The following ZNF562 variants were observed in gnomAD, a reference collection of about 807,000 sequenced individuals.
ZNF562 encodes the protein zinc finger protein 562.
In ZNF562, 13 loss-of-function variants were observed where a neutral mutation model predicts 17.5. The observed-to-expected ratio is 0.74, with a 90% CI of 0.48 to 1.18. ZNF562 has a LOEUF of 1.18. Among genes scored for constraint, ZNF562 ranks in the 50% most tolerant of loss-of-function variants. ZNF562 has a pLI of 0.00. For missense variants in ZNF562, 481 were observed against 498.5 expected, an observed-to-expected ratio of 0.96 and a Z score of 0.33; for synonymous variants, 163 against 165.4, an observed-to-expected ratio of 0.99 and a Z score of 0.11.
intron 1 of ZNF562, among the ~76,000 whole-genome samples, chr19:9,665,499 C>T (rs1302837166): frequency 6.6e-6 from 1 of 152,166 alleles, no homozygotes; most frequent in Non-Finnish European, 1.5e-5. Flanking sequence ...GAGAAATACC[C>T]TGAGGACATC....
Position 9,658,136 on chromosome 19 carries a change from C to A in ZNF562, c.115-1G>T. Reference sequence around the variant, plus strand: ...CCACATCATCAAACGTCACTGAATCCTAAGTCATCAAACACATGCTGGTTT... The same window carrying A: ...CCACATCATCAAACGTCACTGAATCATAAGTCATCAAACACATGCTGGTTT... On this transcript the variant is annotated splice_acceptor_variant, in intron 3 of 5. Transcript: ENST00000453372. LOFTEE classifies it high-confidence loss of function. The A allele has an allele frequency of 6.2e-7, 1 of 1,612,240 alleles. No homozygotes were observed. The highest frequency in any genetic ancestry group is 1.3e-5 in the African/African-American group (1 of 75,014).
chr19:9,668,962 G>T (rs200700431), intron 1 of ZNF562, among the ~76,000 whole-genome samples: 1 of 150,998 alleles, frequency 6.6e-6, no homozygotes, highest in South Asian at 2.1e-4. Context: ...AAAAAAAAAA[G>T]TCAAAACAGA....
intron 2 of ZNF562, 82 bp downstream of exon 2, chr19:9,660,637 TC>T: frequency 7.0e-7 from 1 of 1,421,680 alleles, no homozygotes. Context: ...GCATGCCTGT[TC>T]AGGCCCAGCT....
At position 9,643,887 on chromosome 19, in the gene ZNF562, T is replaced by C. The variant is rs903432160; in HGVS notation, c.*9062A>G. ...CCCAGGCTGGAGTGCAGTGGTGTGATCTCGGTTCACTGTAACCTCCTGCCT... is the reference window on the plus strand; with the variant it reads ...CCCAGGCTGGAGTGCAGTGGTGTGACCTCGGTTCACTGTAACCTCCTGCCT... On this transcript the variant is annotated 3_prime_UTR_variant, in exon 6 of 6. Coordinates refer to ENST00000453372, the MANE Select transcript of ZNF562 (RefSeq NM_001130031.2). 1.9e-4 allele frequency: 29 copies of C among 151,804 alleles called. No homozygotes were observed. Among genetic ancestry groups the C allele is most frequent in the African/African-American group, 6.8e-4 (28 of 41,292 alleles). 9.4% of individuals were successfully genotyped at this position (151,804 alleles called of 1,614,324 possible).
At chr19:9,657,562 T>C (rs1422195334) in intron 4 of ZNF562, among the ~76,000 whole-genome samples, 1 of 151,656 alleles carries the variant, frequency 6.6e-6, no homozygotes. Context: ...TTTTTTTTTT[T>C]TTTGAGTCAA....
At position 9,646,031 on chromosome 19, in the gene ZNF562, C is replaced by A. The variant is rs2074803928; in HGVS notation, c.*6918G>T. On this transcript the variant is annotated 3_prime_UTR_variant, in exon 6 of 6. Coordinates refer to ENST00000453372, the MANE Select transcript of ZNF562 (RefSeq NM_001130031.2). ...TAAATGTCAGGCACTAAATGTGCAA[C>A]ATAAAAGGATTGTTAATTGGTATTA... is the stretch of plus-strand genomic sequence containing the variant. The A allele has an allele frequency of 6.7e-6, 1 of 148,416 alleles. No individual in the cohort carries two copies. The allele number at this position is 148,416 out of a possible 1,614,324, so 9.2% of individuals were successfully genotyped here.
At position 9,649,430 on chromosome 19, in the gene ZNF562, G is replaced by A. The variant is rs183798957; in HGVS notation, c.*3519C>T. On this transcript the variant is annotated 3_prime_UTR_variant, in exon 6 of 6. Transcript: ENST00000453372. ...CCGCCGGTGAGCCAGGTGGAACAAA[G>A]CCACATTTCTCTTCTTTCACAAGCA... is the stretch of plus-strand genomic sequence containing the variant. 28 of 152,308 alleles carry A rather than the reference G, an allele frequency of 1.8e-4. No individual in the cohort carries two copies. The highest frequency in any genetic ancestry group is 3.4e-3 in the Middle Eastern group (1 of 294). The allele number at this position is 152,308 out of a possible 1,614,324, so 9.4% of individuals were successfully genotyped here. A position where few individuals can be genotyped will look rare whatever the true frequency, so the allele number is the denominator to read the frequency against.
At chr19:9,653,973 T>C (rs756292305) in intron 5 of ZNF562, 92 bp from the exon 6 acceptor site, 7 of 1,348,132 alleles carry the variant, frequency 5.2e-6, no homozygotes, top group Middle Eastern at 1.9e-4. Context: ...ATGACAATTA[T>C]TTTACTTTTT....
At chr19:9,668,595 C>T (rs954688474) in intron 1 of ZNF562, among the ~76,000 whole-genome samples, 5 of 151,566 alleles carry the variant, frequency 3.3e-5, no homozygotes, top group South Asian at 4.1e-4. Flanking sequence ...ACATTCATCG[C>T]AAAAATAGAA....
In ZNF562 at chr19:9,653,052, A is replaced by C. The variant is rs1483085244; in HGVS notation, c.1178T>G (p.Ile393Ser). The C allele has an allele frequency of 1.5e-5, 24 of 1,599,770 alleles. No individual in the cohort carries two copies. The highest frequency in any genetic ancestry group is 2.0e-5 in the Non-Finnish European group (24 of 1,172,994). The change falls in exon 6 of 6, where the codon ATT becomes AGT. Residue 393 changes from isoleucine to serine, a missense_variant. Physicochemically the swap from Ile to Ser is moderately radical, Grantham distance 142. Coordinates refer to ENST00000453372, the MANE Select transcript of ZNF562 (RefSeq NM_001130031.2). ...TTCATAAGGCTTCTCTCCTGTGTGAATTCTTCTATGTTGAGTAAGCGTTGA... is the reference window on the plus strand; with the variant it reads ...TTCATAAGGCTTCTCTCCTGTGTGACTTCTTCTATGTTGAGTAAGCGTTGA... The part of the protein sequence containing the change: ...RSSTLTQHRR[I>S]HTGEKPYECV...
chr19:9,660,444 T>C (rs1317850880), intron 2 of ZNF562, among the ~76,000 whole-genome samples: 1 of 151,814 alleles, frequency 6.6e-6, no homozygotes, highest in African/African-American at 2.4e-5. Flanking sequence ...CTGACCAACA[T>C]GGAGAAACCC....
Position 9,658,191 on chromosome 19 carries a change from C to G in ZNF562, c.115-56G>C, listed in dbSNP as rs1252092697. ...CAATGAACACTTCCACCAATATTCA[C>G]TGGAGAATGAGGAAAGGGGAACCTT... On this transcript the variant is annotated intron_variant, in intron 3 of 5. Coordinates refer to ENST00000453372, the MANE Select transcript of ZNF562 (RefSeq NM_001130031.2). 4 of 1,567,736 alleles carry G rather than the reference C, an allele frequency of 2.6e-6. No individual in the cohort carries two copies. The African/African-American group carries it at 5.4e-5, about 21-fold the overall frequency.
Position 9,669,734 on chromosome 19 carries a change from G to GCGCGCGCA in ZNF562, c.-131+5280_-131+5281insTGCGCGCG, listed in dbSNP as rs1221319747. ...CGCGCGCGAGCGCGCGCGCGCGCGCGCACACACACACACACACACACACAC... is the reference window on the plus strand; with the variant it reads ...CGCGCGCGAGCGCGCGCGCGCGCGCGCGCGCGCACACACACACACACACACACACACAC... On this transcript the variant is annotated intron_variant, in intron 1 of 5. Transcript: ENST00000453372. Among the ~76,000 whole-genome samples, 40 of 109,292 alleles carry GCGCGCGCA rather than the reference G, an allele frequency of 3.7e-4. 1 individual carries two copies. The highest frequency in any genetic ancestry group is 1.1e-3 in the South Asian group (3 of 2,846). 71.7% of individuals were successfully genotyped at this position (109,292 alleles called of 152,430 possible).
chr19:9,672,606 C>T (rs73923661), intron 1 of ZNF562, among the ~76,000 whole-genome samples: 5,066 of 152,006 alleles, frequency 0.033, 283 homozygotes, highest in African/African-American at 0.12. Flanking sequence ...TATTTTATTA[C>T]ACTGATACTA....
Position 9,643,160 on chromosome 19 carries a change from C to G in ZNF562, c.*9789G>C, listed in dbSNP as rs2074784359. The G allele has an allele frequency of 6.6e-6, 1 of 152,026 alleles. No individual in the cohort carries two copies. Among genetic ancestry groups the G allele is most frequent in the South Asian group, 2.1e-4 (1 of 4,810 alleles). The allele number at this position is 152,026 out of a possible 1,614,324, so 9.4% of individuals were successfully genotyped here. On this transcript the variant is annotated 3_prime_UTR_variant, in exon 6 of 6. Coordinates refer to ENST00000453372, the MANE Select transcript of ZNF562 (RefSeq NM_001130031.2). ...GGGGGTCTCAGGAGTTCAAGACCAT[C>G]CTGGCCAACATGGCAAAACCCCGCC...
intron 1 of ZNF562, among the ~76,000 whole-genome samples, chr19:9,665,789 T>G (rs1053016569): frequency 1.3e-5 from 2 of 152,020 alleles, no homozygotes; most frequent in African/African-American, 4.8e-5. Context: ...CCGACACAGG[T>G]GGATGGCTTG....
At chr19:9,660,194 C>T (rs372093744) in intron 2 of ZNF562, among the ~76,000 whole-genome samples, 31 of 151,024 alleles carry the variant, frequency 2.1e-4, no homozygotes, top group East Asian at 9.7e-4. Flanking sequence ...ACCCAGCAGG[C>T]GGAGGTTTCA....
At chr19:9,656,504 C>CA (rs765818902) in intron 5 of ZNF562, 43 bp downstream of exon 5, 11 of 1,604,556 alleles carry the variant, frequency 6.9e-6, no homozygotes, top group South Asian at 2.2e-5. Flanking sequence ...GACTCCGTCT[C>CA]AAAAAACAGA....
chr19:9,664,903 C>T lies in ZNF562; in HGVS notation c.-130-4029G>A, dbSNP rs1004270262. 5.9e-5 allele frequency among the ~76,000 whole-genome samples: 9 copies of T among 151,850 alleles called. No individual in the cohort carries two copies. The South Asian group carries it at 1.9e-3, about 32-fold the overall frequency. ...ATACCACCGTTTATATAACACATTT[C>T]TATATATGCACACATGTGCTTTAAA... On this transcript the variant is annotated intron_variant, in intron 1 of 5. Coordinates refer to ENST00000453372, the MANE Select transcript of ZNF562 (RefSeq NM_001130031.2).
Sources: allele counts gnomAD v4.1 joint callset (sites outside exome capture counted in the v4.1 genomes callset), GRCh38; gene constraint gnomAD v4.1.1; transcripts MANE v1.5; gene names NCBI Gene and HGNC (gene_info 2026-07-23, HGNC 2026-07-21).